The following STPG2 variants were observed in gnomAD, a reference collection of about 807,000 sequenced individuals.
STPG2 encodes the protein sperm tail PG-rich repeat containing 2.
A neutral mutation model predicts 54.2 loss-of-function variants in STPG2; 56 were observed. That is an observed-to-expected ratio of 1.03 (90% confidence interval 0.83 to 1.29). STPG2 has a LOEUF of 1.29. Among genes scored for constraint, STPG2 ranks in the 50% most tolerant of loss-of-function variants. The pLI, the probability that STPG2 is intolerant of heterozygous loss-of-function variation, is 0.00. For missense variants in STPG2, 596 were observed against 544.9 expected, an observed-to-expected ratio of 1.09 and a Z score of -0.93; for synonymous variants, 200 against 181.8, an observed-to-expected ratio of 1.10 and a Z score of -0.81.
chr4:97,454,098 T>C (rs1415555779), intron 4 of STPG2, among the ~76,000 whole-genome samples: 1 of 152,060 alleles, frequency 6.6e-6, no homozygotes, highest in Non-Finnish European at 1.5e-5. Context: ...TAAAACAATA[T>C]AAATATATAA....
intron 9 of STPG2, among the ~76,000 whole-genome samples, chr4:97,757,994 T>C (rs1725781860): frequency 6.6e-6 from 1 of 152,178 alleles, no homozygotes; most frequent in South Asian, 2.1e-4. Flanking sequence ...ACTAAACAAT[T>C]TTAATTAAAA....
At chr4:97,694,785 C>A (rs188869211) in intron 10 of STPG2, among the ~76,000 whole-genome samples, 1 of 115,742 alleles carries the variant, frequency 8.6e-6, no homozygotes, top group Non-Finnish European at 1.7e-5. Context: ...TGTACTCCAG[C>A]CTGGGTTACA....
chr4:97,563,847 C>T (rs969981400), intron 10 of STPG2, among the ~76,000 whole-genome samples: 3 of 152,046 alleles, frequency 2.0e-5, no homozygotes, highest in African/African-American at 7.2e-5. Flanking sequence ...CTGAGGAGAG[C>T]TTTACTTCTA....
chr4:97,478,135 T>C (rs1219297171), intron 4 of STPG2, among the ~76,000 whole-genome samples: 1 of 152,114 alleles, frequency 6.6e-6, no homozygotes, highest in Non-Finnish European at 1.5e-5. Flanking sequence ...CAAGCTAACA[T>C]TTACACTGGG....
At chr4:97,825,271 G>T (rs773400520) in intron 9 of STPG2, among the ~76,000 whole-genome samples, 4 of 152,148 alleles carry the variant, frequency 2.6e-5, no homozygotes, top group Admixed American at 6.5e-5. Context: ...ACTTTTGGGG[G>T]TGTCAGAAAT....
chr4:97,889,198 A>C (rs972760976), intron 8 of STPG2, among the ~76,000 whole-genome samples: 167 of 152,378 alleles, frequency 1.1e-3, no homozygotes, highest in Non-Finnish European at 7.3e-4. Context: ...CATACAGAGA[A>C]AAGGGAAACC....
chr4:97,743,431 G>T (rs1382980353), intron 9 of STPG2, among the ~76,000 whole-genome samples: 1 of 151,672 alleles, frequency 6.6e-6, no homozygotes, highest in Non-Finnish European at 1.5e-5. Flanking sequence ...CACAACCAAA[G>T]ACATCTGAAT....
chr4:97,645,796 C>T (rs1041916331), intron 10 of STPG2, among the ~76,000 whole-genome samples: 1 of 152,068 alleles, frequency 6.6e-6, no homozygotes, highest in African/African-American at 2.4e-5. Context: ...TTAGTTCTAA[C>T]TGCATAGGTT....
At chr4:97,857,792 A>G (rs1260304771) in intron 8 of STPG2, among the ~76,000 whole-genome samples, 1 of 152,116 alleles carries the variant, frequency 6.6e-6, no homozygotes, top group Non-Finnish European at 1.5e-5. Context: ...GAAATTCAAG[A>G]GAACACAGGA....
chr4:98,065,824 A>G (rs913556209), intron 5 of STPG2, among the ~76,000 whole-genome samples: 1 of 152,154 alleles, frequency 6.6e-6, no homozygotes, highest in Non-Finnish European at 1.5e-5. Flanking sequence ...AAATTTACCA[A>G]TAAATTTCCT....
chr4:97,486,900 G>A (rs1292793867), intron 4 of STPG2, among the ~76,000 whole-genome samples: 5 of 123,926 alleles, frequency 4.0e-5, no homozygotes, highest in African/African-American at 1.7e-4. Context: ...CACACACAAT[G>A]GAATACTACT....
intron 9 of STPG2, among the ~76,000 whole-genome samples, chr4:97,798,308 A>T (rs112481812): frequency 3.3e-5 from 5 of 151,856 alleles, no homozygotes; most frequent in African/African-American, 2.4e-5. Context: ...CTACTTTCTC[A>T]TGTGGGCATA....
At chr4:97,982,516 T>C (rs899954054) in intron 5 of STPG2, among the ~76,000 whole-genome samples, 3 of 152,110 alleles carry the variant, frequency 2.0e-5, no homozygotes, top group African/African-American at 7.2e-5. Flanking sequence ...AGTACAGTTA[T>C]CAACTTCAGT....
chr4:97,771,075 A>G (rs1457782424), intron 9 of STPG2, among the ~76,000 whole-genome samples: 1 of 152,178 alleles, frequency 6.6e-6, no homozygotes, highest in Non-Finnish European at 1.5e-5. Context: ...TTTGGTTTTG[A>G]GGAAAATTCT....
At chr4:98,035,799 A>G (rs1736757758) in intron 5 of STPG2, among the ~76,000 whole-genome samples, 1 of 152,218 alleles carries the variant, frequency 6.6e-6, no homozygotes, top group Admixed American at 6.5e-5. Context: ...CTTTGCAGGG[A>G]CATGGATGAA....
At chr4:97,793,089 G>A (rs1398105453) in intron 9 of STPG2, among the ~76,000 whole-genome samples, 1 of 151,998 alleles carries the variant, frequency 6.6e-6, no homozygotes, top group African/African-American at 2.4e-5. Flanking sequence ...GGGAGACAGA[G>A]GTTGCAGTAA....
chr4:97,596,254 T>A (rs1733290564), intron 10 of STPG2, among the ~76,000 whole-genome samples: 1 of 152,100 alleles, frequency 6.6e-6, no homozygotes, highest in Non-Finnish European at 1.5e-5. Flanking sequence ...GAGCACCAGA[T>A]TAAAAAGTAA....
chr4:97,584,862 T>C (rs1560672627), intron 10 of STPG2, among the ~76,000 whole-genome samples: 1 of 151,600 alleles, frequency 6.6e-6, no homozygotes, highest in Admixed American at 6.6e-5. Flanking sequence ...AAGATTAAAA[T>C]AGTAATAACA....
At chr4:97,723,313 A>G (rs1463886679) in intron 9 of STPG2, among the ~76,000 whole-genome samples, 1 of 151,904 alleles carries the variant, frequency 6.6e-6, no homozygotes, top group East Asian at 1.9e-4. Context: ...TCTCTTAGAC[A>G]CTGAGGACTC....
Sources: allele counts gnomAD v4.1 joint callset (sites outside exome capture counted in the v4.1 genomes callset), GRCh38; gene constraint gnomAD v4.1.1; transcripts MANE v1.5; gene names NCBI Gene and HGNC (gene_info 2026-07-23, HGNC 2026-07-21).